The following CTSF variants were observed in gnomAD, a reference collection of about 807,000 sequenced individuals.
CTSF encodes cathepsin F.
A neutral mutation model predicts 63.5 loss-of-function variants in CTSF; 65 were observed. The observed-to-expected ratio is 1.02, with a 90% CI of 0.84 to 1.26. The LOEUF is 1.26. Among genes scored for constraint, CTSF ranks in the 50% most tolerant of loss-of-function variants. The probability of loss-of-function intolerance (pLI) is 0.00; values close to 1 mark genes in which losing one functional copy is unlikely to be tolerated. For synonymous variants in CTSF, 256 were observed against 258.1 expected, an observed-to-expected ratio of 0.99 and a Z score of 0.08; for missense variants, 641 against 631.0, an observed-to-expected ratio of 1.02 and a Z score of -0.17.
At position 66,568,590 on chromosome 11, in the gene CTSF, A is replaced by G. The variant is rs1464413944; in HGVS notation, c.-104T>C. 3 of 1,325,852 alleles carry G rather than the reference A, an allele frequency of 2.3e-6. No individual in the cohort carries two copies. The highest frequency in any genetic ancestry group is 2.9e-6 in the Non-Finnish European group (3 of 1,019,310). 82.1% of individuals were successfully genotyped at this position (1,325,852 alleles called of 1,614,324 possible). ...CCTGAGTCCTCCCTCCAGCGGGGCG[A>G]CGGCACGCCGACCAATGGGCGCTGG... On this transcript the variant is annotated 5_prime_UTR_variant, in exon 1 of 13. Transcript: ENST00000310325.
chr11:66,567,923 T>A, intron 2 of CTSF, 61 bp downstream of exon 2: 1 of 1,530,882 alleles, frequency 6.5e-7, no homozygotes, highest in Non-Finnish European at 8.8e-7. Flanking sequence ...TGACCCGTCA[T>A]CATCCAACTG....
intron 8 of CTSF, among the ~76,000 whole-genome samples, 156 bp from the exon 9 acceptor site, chr11:66,565,162 A>C (rs1857901647): frequency 6.6e-6 from 1 of 152,154 alleles, no homozygotes. Context: ...TAGAAATGAC[A>C]CATCTGAGGC....
chr11:66,564,465 ATTCC>A, intron 11 of CTSF, 89 bp downstream of exon 11: 1 of 1,169,418 alleles, frequency 8.6e-7, no homozygotes, highest in Middle Eastern at 3.0e-4. Flanking sequence ...GTTCCTAGGC[ATTCC>A]CCCTATTTCC....
Position 66,567,651 on chromosome 11 carries a change from G to C in CTSF, c.324C>G (p.Phe108Leu), listed in dbSNP as rs1183236367. 1 of 1,613,816 alleles carries C rather than the reference G, an allele frequency of 6.2e-7. No homozygotes were observed. The highest frequency in any genetic ancestry group is 1.7e-5 in the Admixed American group (1 of 59,972). The change falls in exon 3 of 13, where the codon TTC (phenylalanine) becomes TTG (leucine). Residue 108 changes from phenylalanine to leucine, a missense_variant. By Grantham distance (22) the Phe-to-Leu change is conservative. Coordinates refer to ENST00000310325, the MANE Select transcript of CTSF (RefSeq NM_003793.4). ...GTCTTCCGAGCTCATCCAGGACTTGGAAGCTGCAGAGCTGGAGGGAGAGGA... is the reference window on the plus strand; with the variant it reads ...GTCTTCCGAGCTCATCCAGGACTTGCAAGCTGCAGAGCTGGAGGGAGAGGA... ...PVSKKTLLCS[F>L]QVLDELGRHV...
At chr11:66,564,845 C>T (rs1414912691) in intron 9 of CTSF, 39 bp from the exon 10 acceptor site, 1 of 1,614,114 alleles carries the variant, frequency 6.2e-7, no homozygotes, top group South Asian at 1.1e-5. Context: ...GCACCCAGGC[C>T]CCGGCCCCAC....
At position 66,568,414 on chromosome 11, in the gene CTSF, G is replaced by C; in HGVS notation, c.73C>G (p.Arg25Gly). 1 of 1,334,746 alleles carries C rather than the reference G, an allele frequency of 7.5e-7. No homozygotes were observed. Among genetic ancestry groups the C allele is most frequent in the Non-Finnish European group, 9.5e-7 (1 of 1,051,718 alleles). The allele number at this position is 1,334,746 out of a possible 1,614,324, so 82.7% of individuals were successfully genotyped here. Residue 25 changes from arginine to glycine, a missense_variant, in exon 1 of 13, where the codon CGA becomes GGA. Transcript: ENST00000310325. ...CCCCAGGCCTGAAAGCTGGCGGCTC[G>C]GGGCTGGGCGGGGGCGGCCACTGCG... ...PGAVAAPAQPRAASFQAWGPP... is the reference protein window; with the variant it reads ...PGAVAAPAQPGAASFQAWGPP...
chr11:66,568,137 C>A, intron 1 of CTSF, 55 bp from the exon 2 acceptor site: 1 of 1,583,126 alleles, frequency 6.3e-7, no homozygotes, highest in Non-Finnish European at 8.6e-7. Context: ...GCGCCCAAGG[C>A]CCCGCCCGTG....
rs781257663 is a variant in CTSF, at chr11:66,564,600, A to G, written c.1279T>C (p.Trp427Arg). The G allele has an allele frequency of 2.6e-5, 41 of 1,596,060 alleles. No individual in the cohort carries two copies. Among genetic ancestry groups the G allele is most frequent in the Non-Finnish European group, 3.3e-5 (39 of 1,171,920 alleles). The change falls in exon 11 of 13, where the codon TGG becomes CGG. Residue 427 changes from tryptophan (W) to arginine (R), a missense_variant. Coordinates refer to ENST00000310325, the MANE Select transcript of CTSF (RefSeq NM_003793.4). ...AGCAACACCGCATGGTCAATGAGCC[A>G]AGGGCTGCAGAGGGGCCGGAGAGGG... ...SRPLRPLCSP[W>R]LIDHAVLLVG... is the part of the protein sequence containing the mutation.
intron 10 of CTSF, 34 bp from the exon 11 acceptor site, chr11:66,564,682 A>G: frequency 6.2e-7 from 1 of 1,612,904 alleles, no homozygotes; most frequent in Non-Finnish European, 8.5e-7. Context: ...GATCGACTCC[A>G]AGAAGAGGTC....
intron 4 of CTSF, 23 bp from the exon 5 acceptor site, chr11:66,566,427 G>A (rs1857934800): frequency 6.2e-7 from 1 of 1,610,222 alleles, no homozygotes; most frequent in East Asian, 2.2e-5. Context: ...GAGCAGAAGA[G>A]GAGGGGTTCG....
In CTSF at chr11:66,568,377, G is replaced by A. The variant is rs948327887; in HGVS notation, c.110C>T (p.Pro37Leu). 4 of 1,305,498 alleles carry A rather than the reference G, an allele frequency of 3.1e-6. No homozygotes were observed. The highest frequency in any genetic ancestry group is 3.9e-6 in the Non-Finnish European group (4 of 1,035,390). 80.9% of individuals were successfully genotyped at this position (1,305,498 alleles called of 1,614,324 possible). A position where few individuals can be genotyped will look rare whatever the true frequency, so the allele number is the denominator to read the frequency against. The change falls in exon 1 of 13, where the codon CCG becomes CTG. Residue 37 changes from proline to leucine, a missense_variant. By Grantham distance (98) the Pro-to-Leu change is moderately conservative. Coordinates refer to ENST00000310325, the MANE Select transcript of CTSF (RefSeq NM_003793.4). ...GAAGCGGGTGGGCGCCAGCAGCTCCGGGGACGGCGGCCCCCAGGCCTGAAA... is the reference window on the plus strand; with the variant it reads ...GAAGCGGGTGGGCGCCAGCAGCTCCAGGGACGGCGGCCCCCAGGCCTGAAA... ...ASFQAWGPPS[P>L]ELLAPTRFAL...
rs780638987 is a variant in CTSF at position 66,563,827 on chromosome 11, C to T, written c.*106G>A. 5 of 1,410,756 alleles carry T rather than the reference C, an allele frequency of 3.5e-6. No individual in the cohort carries two copies. The Admixed American group carries it at 5.8e-5, about 16-fold the overall frequency. 87.4% of individuals were successfully genotyped at this position (1,410,756 alleles called of 1,614,324 possible). A position where few individuals can be genotyped will look rare whatever the true frequency, so the allele number is the denominator to read the frequency against. On this transcript the variant is annotated 3_prime_UTR_variant, in exon 13 of 13. Transcript: ENST00000310325. ...TCTGCTCACCCTGAGGTACCCAGTG[C>T]CTTTCCCTCTGCCAGCTGTACCTCC...
rs371296361 is a variant in CTSF, at chr11:66,567,366, C to T, written c.532-45G>A. Reference sequence around the variant, plus strand: ...TTTAGGCTGACCAGAGAAACCCACTCCAGAGGGAAGGGAGAAGGGTGATGA... The same window carrying T: ...TTTAGGCTGACCAGAGAAACCCACTTCAGAGGGAAGGGAGAAGGGTGATGA... On this transcript the variant is annotated intron_variant, in intron 3 of 12. Transcript: ENST00000310325. 1.9e-6 allele frequency: 3 copies of T among 1,613,530 alleles called. No individual in the cohort carries two copies. In the African/African-American group the frequency reaches 4.0e-5, roughly 22 times the overall value.
chr11:66,568,531 GA>G lies in CTSF; in HGVS notation c.-46del. The G allele has an allele frequency of 6.8e-7, 1 of 1,476,950 alleles. No homozygotes were observed. The highest frequency in any genetic ancestry group is 8.9e-7 in the Non-Finnish European group (1 of 1,120,992). 91.5% of individuals were successfully genotyped at this position (1,476,950 alleles called of 1,614,324 possible). On this transcript the variant is annotated 5_prime_UTR_variant, in exon 1 of 13. Transcript: ENST00000310325. The stretch of plus-strand genomic sequence containing the variant: ...GCCCGGACCCAACAGACGCTCCACC[GA>G]CCCACCGGGTACCGAGCCCGCGGCC...
intron 11 of CTSF, 113 bp from the exon 12 acceptor site, chr11:66,564,259 G>A (rs1372013768): frequency 2.2e-6 from 3 of 1,350,846 alleles, no homozygotes; most frequent in African/African-American, 1.5e-5. Context: ...ACAGGGACTA[G>A]GAAAAGAGCA....
chr11:66,565,640 G>A (rs769277856), intron 8 of CTSF, 31 bp downstream of exon 8: 6 of 1,612,088 alleles, frequency 3.7e-6, no homozygotes, highest in Admixed American at 1.7e-5. Flanking sequence ...AAGTGGCTCC[G>A]GTTGCCCCTC....
chr11:66,567,430 T>C lies in CTSF; in HGVS notation c.531+14A>G. 1 of 1,610,096 alleles carries C rather than the reference T, an allele frequency of 6.2e-7. No homozygotes were observed. Among genetic ancestry groups the C allele is most frequent in the Non-Finnish European group, 8.5e-7 (1 of 1,179,424 alleles). On this transcript the variant is annotated intron_variant, in intron 3 of 12. Transcript: ENST00000310325. Reference sequence around the variant, plus strand: ...TCCTCAAGCTGAGGGCTCCTCAAGCTGAGGGCTCCTCACCTGGGACAGGGG... The same window carrying C: ...TCCTCAAGCTGAGGGCTCCTCAAGCCGAGGGCTCCTCACCTGGGACAGGGG...
In CTSF at chr11:66,564,989, CCT is replaced by C. The variant is rs1254368847; in HGVS notation, c.1061_1062del (p.Glu354GlyfsTer2). ...AIKNLGGLETEDDYSYQGHMQ... is the reference protein window; with the variant it reads ...AIKNLGGLETXDDYSYQGHMQ... The stretch of plus-strand genomic sequence containing the variant: ...ATGTGACCCTGGTAGCTGTAGTCAT[CCT>C]CTGTCTCCAGCCCTCCTGGGGAACG... On this transcript the variant is annotated frameshift_variant, in exon 9 of 13. Transcript: ENST00000310325. LOFTEE classifies it high-confidence loss of function. The C allele has an allele frequency of 2.5e-6, 4 of 1,573,178 alleles. No homozygotes were observed. The highest frequency in any genetic ancestry group is 2.3e-5 in the East Asian group (1 of 44,396).
chr11:66,564,413 G>C, intron 11 of CTSF, 145 bp downstream of exon 11: 1 of 830,108 alleles, frequency 1.2e-6, no homozygotes, highest in Admixed American at 2.8e-5. Context: ...GAGGACAGAT[G>C]ATGCCCAGCT....
Sources: gnomAD v4.1 joint callset for allele counts (sites outside exome capture counted in the v4.1 genomes callset) on GRCh38, gnomAD v4.1.1 for gene constraint, MANE v1.5 for transcripts, NCBI Gene and HGNC (gene_info 2026-07-23, HGNC 2026-07-21) for gene names.